The following ZNF385D variants were observed in gnomAD, a reference collection of about 807,000 sequenced individuals.
ZNF385D encodes zinc finger protein 659.
Under a neutral mutation model 35.8 loss-of-function variants are expected in ZNF385D, and 15 were observed. The observed-to-expected ratio is 0.42, with a 90% CI of 0.28 to 0.64. The LOEUF (loss-of-function observed/expected upper bound fraction) is 0.64, where lower values mean the gene tolerates loss of function less well. Ranked by LOEUF, ZNF385D falls within the 30% of genes least tolerant of loss-of-function variation. ZNF385D has a pLI of 0.23. For missense variants in ZNF385D, 474 were observed against 494.6 expected (o/e 0.96, Z 0.39); for synonymous variants, 212 against 186.8 (o/e 1.13, Z -1.10).
intron 1 of ZNF385D, among the ~76,000 whole-genome samples, chr3:21,675,976 G>A (rs576726911): frequency 1.8e-4 from 27 of 152,140 alleles, no homozygotes; most frequent in African/African-American, 6.5e-4. Context: ...GATTGTGAAT[G>A]TTTTCACTCA....
intron 3 of ZNF385D, among the ~76,000 whole-genome samples, chr3:21,996,376 C>T (rs1181207156): frequency 6.6e-6 from 1 of 152,102 alleles, no homozygotes; most frequent in Non-Finnish European, 1.5e-5. Context: ...TGCTTTATTT[C>T]CTTCATTTTC....
At chr3:22,164,215 A>ATTTTTTTTTTTTT (rs1706157207) in intron 3 of ZNF385D, among the ~76,000 whole-genome samples, 1 of 91,030 alleles carries the variant, frequency 1.1e-5, no homozygotes, top group Non-Finnish European at 2.3e-5. Context: ...CAAAAGGAGC[A>ATTTTTTTTTTTTT]CTTTTTTTTT....
At chr3:22,033,093 G>A (rs1455751425) in intron 3 of ZNF385D, among the ~76,000 whole-genome samples, 1 of 152,056 alleles carries the variant, frequency 6.6e-6, no homozygotes, top group Non-Finnish European at 1.5e-5. Flanking sequence ...CATGCTGCGA[G>A]GTCAAAGAGT....
At chr3:22,078,645 C>G (rs1485009543) in intron 3 of ZNF385D, among the ~76,000 whole-genome samples, 1 of 152,008 alleles carries the variant, frequency 6.6e-6, no homozygotes, top group South Asian at 2.1e-4. Context: ...AAACAGAAAT[C>G]TCTAATAGTG....
In ZNF385D at chr3:22,038,337, G is replaced by C. The variant is rs114619440; in HGVS notation, c.325+130480C>G. Among the ~76,000 whole-genome samples the C allele has an allele frequency of 3.3e-3, 501 of 152,296 alleles. 6 individuals carry two copies. The highest frequency in any genetic ancestry group is 0.011 in the African/African-American group (474 of 41,572). On this transcript the variant is annotated intron_variant, in intron 3 of 5. Coordinates refer to the ZNF385D transcript ENST00000494108. The stretch of plus-strand genomic sequence containing the variant: ...ATAATCCCTGGAGTCGAATTGCCTA[G>C]CTTAGAATACTGGCTTTCTCACTTA...
At chr3:22,341,914 G>A (rs986614095) in intron 2 of ZNF385D, among the ~76,000 whole-genome samples, 1 of 152,096 alleles carries the variant, frequency 6.6e-6, no homozygotes, top group African/African-American at 2.4e-5. Flanking sequence ...GTTAATTATG[G>A]TAATATCTCT....
chr3:22,137,506 G>T (rs974286719), intron 3 of ZNF385D, among the ~76,000 whole-genome samples: 1 of 152,148 alleles, frequency 6.6e-6, no homozygotes, highest in African/African-American at 2.4e-5. Context: ...GGGATGCAAG[G>T]CTGGTTCAAC....
chr3:21,966,601 A>T (rs1224847370), intron 3 of ZNF385D, among the ~76,000 whole-genome samples: 1 of 152,110 alleles, frequency 6.6e-6, no homozygotes, highest in Non-Finnish European at 1.5e-5. Context: ...TGTTTGTTTG[A>T]GACGCAGTCA....
At chr3:22,128,401 C>A (rs186916818) in intron 3 of ZNF385D, among the ~76,000 whole-genome samples, 86 of 152,140 alleles carry the variant, frequency 5.7e-4, no homozygotes, top group African/African-American at 1.9e-3. Flanking sequence ...TGTTTTATAA[C>A]CTTCTTGTAG....
intron 3 of ZNF385D, among the ~76,000 whole-genome samples, chr3:21,809,238 A>G (rs987499624): frequency 8.5e-5 from 13 of 152,162 alleles, no homozygotes; most frequent in Non-Finnish European, 1.9e-4. Flanking sequence ...AAATGGAAAA[A>G]TGGAATCTAA....
intron 3 of ZNF385D, among the ~76,000 whole-genome samples, chr3:22,118,291 A>G (rs1033208626): frequency 6.6e-6 from 1 of 152,092 alleles, no homozygotes; most frequent in Admixed American, 6.6e-5. Context: ...TTAGTTTGGT[A>G]ATCCCTCCAA....
At chr3:21,815,571 C>A (rs114307251) in intron 3 of ZNF385D, among the ~76,000 whole-genome samples, 12,035 of 152,134 alleles carry the variant, frequency 0.079, 542 homozygotes, top group Non-Finnish European at 0.095. Flanking sequence ...AATAAACTAG[C>A]AAATCTAGAA....
intron 3 of ZNF385D, among the ~76,000 whole-genome samples, chr3:21,552,161 T>G (rs2125601008): frequency 6.6e-6 from 1 of 152,332 alleles, no homozygotes; most frequent in Middle Eastern, 3.4e-3. Context: ...CAGATTTACC[T>G]GGAAACAACA....
At chr3:22,256,236 CATAT>C (rs141839193) in intron 2 of ZNF385D, among the ~76,000 whole-genome samples, 52,463 of 145,226 alleles carry the variant, frequency 0.36, 9,386 homozygotes, top group Admixed American at 0.41. Context: ...TATACACATA[CATAT>C]ATATATATAT....
At chr3:21,488,006 C>A (rs1407626094) in intron 4 of ZNF385D, among the ~76,000 whole-genome samples, 1 of 152,080 alleles carries the variant, frequency 6.6e-6, no homozygotes, top group Non-Finnish European at 1.5e-5. Flanking sequence ...TCCTCAAGAG[C>A]TTCCACAATG....
At chr3:21,756,253 A>G (rs1365732407) in intron 3 of ZNF385D, among the ~76,000 whole-genome samples, 3 of 152,320 alleles carry the variant, frequency 2.0e-5, no homozygotes, top group Middle Eastern at 3.4e-3. Context: ...ACATGTACCA[A>G]AATGGGTCCA....
intron 2 of ZNF385D, among the ~76,000 whole-genome samples, chr3:21,654,482 C>G (rs1301796039): frequency 6.6e-6 from 1 of 152,016 alleles, no homozygotes; most frequent in African/African-American, 2.4e-5. Flanking sequence ...TCTTGTGACT[C>G]TCAACCATAC....
intron 3 of ZNF385D, among the ~76,000 whole-genome samples, chr3:21,805,497 C>T (rs1405528275): frequency 1.3e-5 from 2 of 152,190 alleles, no homozygotes; most frequent in African/African-American, 2.4e-5. Context: ...AAGTCTAACA[C>T]TTCCCTTGTG....
intron 3 of ZNF385D, among the ~76,000 whole-genome samples, chr3:21,911,651 T>C (rs564409819): frequency 1.3e-5 from 2 of 151,638 alleles, no homozygotes; most frequent in South Asian, 2.1e-4. Context: ...AGTAGCTATA[T>C]TGCAGAAGGC....
Sources: gnomAD v4.1 joint callset for allele counts (sites outside exome capture counted in the v4.1 genomes callset) on GRCh38, gnomAD v4.1.1 for gene constraint, MANE v1.5 for transcripts, NCBI Gene and HGNC (gene_info 2026-07-23, HGNC 2026-07-21) for gene names.